GNA14: variants seen among roughly 807,000 people sequenced by gnomAD.
The protein encoded by GNA14 is guanine nucleotide-binding protein subunit alpha-14.
Under a neutral mutation model 42.0 loss-of-function variants are expected in GNA14, and 50 were observed. That is an observed-to-expected ratio of 1.19 (90% CI 0.95 to 1.51). The LOEUF is 1.51. Among genes scored for constraint, GNA14 ranks in the 40% most tolerant of loss-of-function variants. The probability of loss-of-function intolerance (pLI) is 0.00; values close to 1 mark genes in which losing one functional copy is unlikely to be tolerated. For synonymous variants in GNA14, 173 were observed against 163.1 expected, an observed-to-expected ratio of 1.06 and a Z score of -0.46; for missense variants, 473 against 446.2, an observed-to-expected ratio of 1.06 and a Z score of -0.54.
intron 2 of GNA14, among the ~76,000 whole-genome samples, chr9:77,520,701 T>C (rs923200615): frequency 8.5e-5 from 13 of 152,152 alleles, no homozygotes; most frequent in Admixed American, 8.5e-4. Flanking sequence ...GTGCTTGCAA[T>C]TTAAAAGACT....
chr9:77,531,211 A>G (rs936138818), intron 1 of GNA14, among the ~76,000 whole-genome samples: 7 of 152,322 alleles, frequency 4.6e-5, no homozygotes, highest in South Asian at 4.1e-4. Context: ...AAAGCACCCA[A>G]AGAAATGGTC....
intron 1 of GNA14, among the ~76,000 whole-genome samples, chr9:77,548,946 T>TC (rs1362113691): frequency 1.3e-5 from 2 of 149,918 alleles, no homozygotes; most frequent in East Asian, 3.9e-4. Context: ...TTTTTTTTTT[T>TC]CTTTTTTTTT....
At chr9:77,492,950 G>A (rs1424772635) in intron 2 of GNA14, among the ~76,000 whole-genome samples, 1 of 142,710 alleles carries the variant, frequency 7.0e-6, no homozygotes, top group Non-Finnish European at 1.5e-5. Flanking sequence ...GCAGTGAGCT[G>A]AGATCATGCC....
chr9:77,647,725 T>TAGC lies in GNA14; in HGVS notation c.68_69insGCT (p.Arg23_Gln24insLeu). 6.2e-7 allele frequency: 1 copy of TAGC among 1,609,984 alleles called. No individual in the cohort carries two copies. Among genetic ancestry groups the TAGC allele is most frequent in the Admixed American group, 1.7e-5 (1 of 59,554 alleles). ...CGTCCTTCTTGTCCCGACGAAGCTG[T>TAGC]CGCTCGATCTCCGCGCTGATGCGCT... On this transcript the variant is annotated inframe_insertion, in exon 1 of 7. Coordinates refer to ENST00000341700, the MANE Select transcript of GNA14 (RefSeq NM_004297.4).
chr9:77,534,096 G>C (rs1837564528), intron 1 of GNA14, among the ~76,000 whole-genome samples: 1 of 152,178 alleles, frequency 6.6e-6, no homozygotes, highest in Non-Finnish European at 1.5e-5. Flanking sequence ...TGAAAGACCA[G>C]TATTATTTGC....
chr9:77,502,044 G>A (rs1291685942), intron 2 of GNA14, among the ~76,000 whole-genome samples: 2 of 152,172 alleles, frequency 1.3e-5, no homozygotes, highest in Non-Finnish European at 2.9e-5. Context: ...CCAGCTCACT[G>A]ATTCTTTCTC....
At chr9:77,505,485 C>T (rs1418293614) in intron 2 of GNA14, among the ~76,000 whole-genome samples, 1 of 152,208 alleles carries the variant, frequency 6.6e-6, no homozygotes, top group Non-Finnish European at 1.5e-5. Flanking sequence ...TCCCTGCAGA[C>T]TGGAAGTCCT....
rs549964887 is a variant in GNA14, at chr9:77,471,227, T to A, written c.310-36705A>T. Among the ~76,000 whole-genome samples, 6 of 152,298 alleles carry A rather than the reference T, an allele frequency of 3.9e-5. No homozygotes were observed. In the East Asian group the frequency reaches 1.2e-3, roughly 29 times the overall value. On this transcript the variant is annotated intron_variant, in intron 2 of 6. Transcript: ENST00000341700. ...CGCTGGGGCCAATTAAGGAGAACTT[T>A]GCATGCTATGGAATCTGGGCTCAAT...
intron 2 of GNA14, among the ~76,000 whole-genome samples, chr9:77,507,762 G>A (rs1258290436): frequency 1.3e-5 from 2 of 151,738 alleles, no homozygotes; most frequent in Non-Finnish European, 2.9e-5. Flanking sequence ...GAGTCCACTG[G>A]AGTCCAGTGG....
Position 77,425,641 on chromosome 9 carries a change from A to T in GNA14, c.798T>A (p.Ile266=). The part of the protein sequence containing the change: ...TYPWFLNSSV[I]LFLNKKDLLE... Reference sequence around the variant, plus strand: ...AAAGATCCTTCTTGTTCAAGAATAAAATCACAGACGAATTCAGAAACCAGG... The same window carrying T: ...AAAGATCCTTCTTGTTCAAGAATAATATCACAGACGAATTCAGAAACCAGG... Residue 266 remains isoleucine (I), a synonymous_variant, in exon 6 of 7, where the codon ATT becomes ATA. Coordinates refer to ENST00000341700, the MANE Select transcript of GNA14 (RefSeq NM_004297.4). 2 of 1,609,268 alleles carry T rather than the reference A, an allele frequency of 1.2e-6. No individual in the cohort carries two copies. Among genetic ancestry groups the T allele is most frequent in the Non-Finnish European group, 1.7e-6 (2 of 1,175,608 alleles).
chr9:77,493,026 A>AAAAAAAAATATATATATAT (rs1554691641), intron 2 of GNA14, among the ~76,000 whole-genome samples: 2 of 51,718 alleles, frequency 3.9e-5, no homozygotes, highest in Non-Finnish European at 6.6e-5. Context: ...AAAAAAAAAA[A>AAAAAAAAATATATATATAT]ATATATATAT....
At chr9:77,493,133 G>A (rs536343180) in intron 2 of GNA14, among the ~76,000 whole-genome samples, 51 of 150,488 alleles carry the variant, frequency 3.4e-4, no homozygotes, top group African/African-American at 9.3e-4. Flanking sequence ...TGGGGGCACC[G>A]TGGGGCATAG....
At position 77,635,038 on chromosome 9, in the gene GNA14, G is replaced by GT. The variant is rs1342373947; in HGVS notation, c.124+12631dup. On this transcript the variant is annotated intron_variant, in intron 1 of 6. Coordinates refer to ENST00000341700, the MANE Select transcript of GNA14 (RefSeq NM_004297.4). ...ATTATTATTTCATTTATTTCAATAG[G>GT]TTTTTTTGGGGAACAGGTGGTGTTT... is the stretch of plus-strand genomic sequence containing the variant. Among the ~76,000 whole-genome samples the GT allele has an allele frequency of 3.9e-5, 6 of 152,148 alleles. No homozygotes were observed. In the South Asian group the frequency reaches 6.2e-4, roughly 16 times the overall value.
chr9:77,482,386 C>G (rs900236390), intron 2 of GNA14, among the ~76,000 whole-genome samples: 2 of 152,170 alleles, frequency 1.3e-5, no homozygotes, highest in African/African-American at 4.8e-5. Flanking sequence ...TATTGGTCCC[C>G]ACTCTCTTCT....
intron 2 of GNA14, among the ~76,000 whole-genome samples, chr9:77,515,702 G>A (rs1320167265): frequency 1.3e-5 from 2 of 152,014 alleles, no homozygotes; most frequent in East Asian, 1.9e-4. Context: ...TGTGGCTCAC[G>A]TCAGTAATCC....
chr9:77,438,971 T>G (rs1192361100), intron 2 of GNA14, among the ~76,000 whole-genome samples: 1 of 152,218 alleles, frequency 6.6e-6, no homozygotes, highest in Admixed American at 6.5e-5. Flanking sequence ...TCATCCAAAG[T>G]TTGCCAGTTG....
intron 1 of GNA14, among the ~76,000 whole-genome samples, chr9:77,629,998 T>G (rs1349111739): frequency 6.6e-6 from 1 of 152,194 alleles, no homozygotes; most frequent in Non-Finnish European, 1.5e-5. Flanking sequence ...ATCAGAGTTG[T>G]GATTAGTTTA....
intron 2 of GNA14, among the ~76,000 whole-genome samples, chr9:77,493,003 GAA>G (rs56355394): frequency 2.1e-3 from 84 of 39,822 alleles, no homozygotes; most frequent in Non-Finnish European, 2.4e-3. Flanking sequence ...TCCGTCTCAG[GAA>G]AAAAAAAAAA....
chr9:77,481,122 T>A (rs952756553), intron 2 of GNA14, among the ~76,000 whole-genome samples: 10 of 152,062 alleles, frequency 6.6e-5, no homozygotes, highest in East Asian at 1.9e-4. Context: ...GCTTTTCTAG[T>A]TCTTTTAATT....
Sources: allele counts gnomAD v4.1 joint callset (sites outside exome capture counted in the v4.1 genomes callset), GRCh38; gene constraint gnomAD v4.1.1; transcripts MANE v1.5; gene names NCBI Gene and HGNC (gene_info 2026-07-23, HGNC 2026-07-21).